The following BSN variants were observed in gnomAD, a reference collection of about 807,000 sequenced individuals.
BSN encodes the protein bassoon presynaptic cytomatrix protein, also known as protein bassoon.
In BSN, 57 loss-of-function variants were observed where a neutral mutation model predicts 264.8. The ratio of observed to expected loss-of-function variants is 0.22; its 90% CI spans 0.17 to 0.27. The LOEUF (loss-of-function observed/expected upper bound fraction) is 0.27, where lower values mean the gene tolerates loss of function less well. Among genes scored for constraint, BSN ranks in the 10% least tolerant of loss-of-function variants. The pLI is 1.00. For missense variants in BSN, 4,615 were observed against 5,232.5 expected, an observed-to-expected ratio of 0.88 and a Z score of 3.64; for synonymous variants, 2,059 against 2,137.3, an observed-to-expected ratio of 0.96 and a Z score of 1.01.
chr3:49,580,070 A>T (rs1053135415), intron 1 of BSN, among the ~76,000 whole-genome samples: 5 of 152,008 alleles, frequency 3.3e-5, no homozygotes, highest in Non-Finnish European at 1.5e-5. Context: ...TGTGATGTTT[A>T]TGTCTGTTTT....
intron 1 of BSN, among the ~76,000 whole-genome samples, chr3:49,613,298 C>CAGAGAGAGAGAGAGAGAGAGAGAGAG (rs1458190477): frequency 3.9e-5 from 1 of 25,666 alleles, no homozygotes; most frequent in African/African-American, 1.0e-4. Context: ...TATACACACA[C>CAGAGAGAGAGAGAGAGAGAGAGAGAG]AGAGCGAGAG....
intron 1 of BSN, among the ~76,000 whole-genome samples, chr3:49,587,804 A>C (rs896875555): frequency 6.6e-6 from 1 of 152,058 alleles, no homozygotes; most frequent in Non-Finnish European, 1.5e-5. Flanking sequence ...GAGAGGACCA[A>C]TCAGGGGTAC....
At position 49,652,533 on chromosome 3, in the gene BSN, G is replaced by A. The variant is rs1025306925; in HGVS notation, c.2977G>A (p.Gly993Ser). 4 of 1,613,602 alleles carry A rather than the reference G, an allele frequency of 2.5e-6. No homozygotes were observed. In the Admixed American group the frequency reaches 6.7e-5, roughly 27 times the overall value. The change falls in exon 5 of 12, where the codon GGC becomes AGC. Residue 993 changes from glycine (G) to serine (S), a missense_variant. By Grantham distance (56) the Gly-to-Ser change is moderately conservative. Transcript: ENST00000296452. ...LPASTPSYTSGTSPTSLSSLE... is the reference protein window; with the variant it reads ...LPASTPSYTSSTSPTSLSSLE... ...TGCCTCCACACCCAGCTACACCTCG[G>A]GCACCTCTCCCACCTCTCTGTCCTC... is the stretch of plus-strand genomic sequence containing the variant.
In BSN at chr3:49,661,588, C is replaced by T; in HGVS notation, c.9743C>T (p.Ala3248Val). 1 of 1,613,878 alleles carries T rather than the reference C, an allele frequency of 6.2e-7. No individual in the cohort carries two copies. Among genetic ancestry groups the T allele is most frequent in the Non-Finnish European group, 8.5e-7 (1 of 1,180,050 alleles). The change falls in exon 6 of 12, where the codon GCT (alanine) becomes GTT (valine). Residue 3248 changes from alanine to valine, a missense_variant. By Grantham distance (64) the Ala-to-Val change is moderately conservative. Coordinates refer to ENST00000296452, the MANE Select transcript of BSN (RefSeq NM_003458.4). Reference protein sequence around the residue: ...SELTKDSTSTAPDSQRLEPLG... With the variant: ...SELTKDSTSTVPDSQRLEPLG... ...CTGACCAAGGACAGCACCTCTACTG[C>T]TCCTGATAGCCAACGGCTGGAGCCC...
Position 49,585,286 on chromosome 3 carries a change from A to G in BSN, c.224+30460A>G, listed in dbSNP as rs552340571. Among the ~76,000 whole-genome samples the G allele has an allele frequency of 6.6e-6, 1 of 152,242 alleles. No homozygotes were observed. The highest frequency in any genetic ancestry group is 2.1e-4 in the South Asian group (1 of 4,828). On this transcript the variant is annotated intron_variant, in intron 1 of 11. Coordinates refer to ENST00000296452, the MANE Select transcript of BSN (RefSeq NM_003458.4). This position sits in a 1 kb window ranked among gnomAD's most constrained non-coding sequence, Gnocchi z 4.7. ...AAGAGGAGATCGTGGGTGGGGAAAC[A>G]GACTGAGGGAATCAGAAGCACCACT...
chr3:49,583,108 A>G (rs2051907664), intron 1 of BSN, among the ~76,000 whole-genome samples: 1 of 151,978 alleles, frequency 6.6e-6, no homozygotes, highest in South Asian at 2.1e-4. Flanking sequence ...AGCTGGGATT[A>G]CAGGTGCGTG....
At chr3:49,650,096 A>G (rs539526640) in intron 3 of BSN, among the ~76,000 whole-genome samples, 4 of 152,290 alleles carry the variant, frequency 2.6e-5, no homozygotes, top group African/African-American at 9.6e-5. Flanking sequence ...CCTATCTAGC[A>G]TAGCCCTTAC....
In BSN at chr3:49,657,243, C is replaced by T. The variant is rs756867032; in HGVS notation, c.7687C>T (p.Arg2563Trp). The T allele has an allele frequency of 9.9e-6, 16 of 1,613,374 alleles. No homozygotes were observed. The highest frequency in any genetic ancestry group is 4.0e-5 in the African/African-American group (3 of 74,954). The change falls in exon 5 of 12, where the codon CGG becomes TGG. Residue 2563 changes from arginine (R) to tryptophan (W), a missense_variant. Arg to Trp is a moderately radical substitution (Grantham distance 101). This residue lies in a region of BSN where 3,415 missense variants were observed against 3,866.4 expected (regional missense o/e 0.88). Coordinates refer to ENST00000296452, the MANE Select transcript of BSN (RefSeq NM_003458.4). ...IKKRHSMPRL[R>W]DACELESGTE... ...GAAGCGGCACTCCATGCCACGCCTG[C>T]GGGATGCCTGTGAGCTAGAGTCTGG...
In BSN at chr3:49,655,985, C is replaced by G. The variant is rs1336187132; in HGVS notation, c.6429C>G (p.Pro2143=). The G allele has an allele frequency of 1.2e-6, 2 of 1,607,512 alleles. No homozygotes were observed. The highest frequency in any genetic ancestry group is 1.7e-6 in the Non-Finnish European group (2 of 1,177,898). The change falls in exon 5 of 12, where the codon CCC becomes CCG. Residue 2143 remains proline (P), a synonymous_variant. Transcript: ENST00000296452. ...PGLSAPQSLV[P]LRPGLLGNPT... ...TCAGTGCTCCACAGAGTCTGGTTCCCCTCAGACCTGGACTCCTTGGTAACC... is the reference window on the plus strand; with the variant it reads ...TCAGTGCTCCACAGAGTCTGGTTCCGCTCAGACCTGGACTCCTTGGTAACC...
chr3:49,562,693 A>G (rs890897180), intron 1 of BSN, among the ~76,000 whole-genome samples: 3 of 152,180 alleles, frequency 2.0e-5, no homozygotes, highest in Non-Finnish European at 4.4e-5. Flanking sequence ...GCTGTGGAGA[A>G]CTGTGTCACT....
intron 1 of BSN, among the ~76,000 whole-genome samples, chr3:49,591,489 T>C (rs1306388015): frequency 6.6e-6 from 1 of 152,258 alleles, no homozygotes; most frequent in Non-Finnish European, 1.5e-5. Context: ...TTGTTATTTC[T>C]TGTAAGGCAA....
chr3:49,651,579 C>T lies in BSN; in HGVS notation c.2023C>T (p.Arg675Trp), dbSNP rs139557802. The stretch of plus-strand genomic sequence containing the variant: ...CAAGCCTTACTCTCAGGATGCGTCT[C>T]GGAGCCCACAGAGCCTCAGTGACAC... ...VGKPYSQDAS[R>W]SPQSLSDTGY... is the part of the protein sequence containing the mutation. The change falls in exon 5 of 12, where the codon CGG becomes TGG. Residue 675 changes from arginine (R) to tryptophan (W), a missense_variant. Transcript: ENST00000296452. This position sits in a 1 kb window ranked among gnomAD's most constrained non-coding sequence, Gnocchi z 5.4. The T allele has an allele frequency of 3.9e-5, 63 of 1,603,194 alleles. No homozygotes were observed. The highest frequency in any genetic ancestry group is 2.2e-5 in the South Asian group (2 of 89,294).
rs1283000189 is a variant in BSN, at chr3:49,652,503, T to C, written c.2947T>C (p.Leu983=). The change falls in exon 5 of 12, where the codon TTG becomes CTG. Residue 983 remains leucine (L), a synonymous_variant. Transcript: ENST00000296452. ...DRSRGEHSST[L]PASTPSYTSG... is the part of the protein sequence containing the mutation. ...CTCCCGTGGTGAGCACTCCTCTACA[T>C]TGCCTGCCTCCACACCCAGCTACAC... 6.2e-7 allele frequency: 1 copy of C among 1,613,672 alleles called. No homozygotes were observed. Among genetic ancestry groups the C allele is most frequent in the Non-Finnish European group, 8.5e-7 (1 of 1,179,980 alleles).
Position 49,634,848 on chromosome 3 carries a change from A to G in BSN, c.634-7420A>G, listed in dbSNP as rs542795458. Among the ~76,000 whole-genome samples the G allele has an allele frequency of 1.1e-4, 17 of 152,340 alleles. No individual in the cohort carries two copies. In the South Asian group the frequency reaches 3.5e-3, roughly 32 times the overall value. On this transcript the variant is annotated intron_variant, in intron 2 of 11. Coordinates refer to ENST00000296452, the MANE Select transcript of BSN (RefSeq NM_003458.4). ...ACACTATATATGTGTGTGCATATAT[A>G]TACATATACACTAAAACAACACATA...
chr3:49,657,848 T>G lies in BSN; in HGVS notation c.8292T>G (p.Asp2764Glu). 1 of 1,611,342 alleles carries G rather than the reference T, an allele frequency of 6.2e-7. No individual in the cohort carries two copies. Among genetic ancestry groups the G allele is most frequent in the Non-Finnish European group, 8.5e-7 (1 of 1,179,172 alleles). Reference protein sequence around the residue: ...PLGRFEKKKPDPLEIGYQAHL... With the variant: ...PLGRFEKKKPEPLEIGYQAHL... ...GCAGATTTGAAAAAAAGAAGCCAGA[T>G]CCCCTGGAGATTGGGTACCAGGCCC... The change falls in exon 5 of 12, where the codon GAT becomes GAG. Residue 2764 changes from aspartate (D) to glutamate (E), a missense_variant. Transcript: ENST00000296452.
chr3:49,645,520 G>T (rs2052498535), intron 3 of BSN, among the ~76,000 whole-genome samples: 1 of 152,170 alleles, frequency 6.6e-6, no homozygotes, highest in Non-Finnish European at 1.5e-5. Context: ...TCCCACCCAT[G>T]CTCACAGCCT....
chr3:49,663,010 C>A lies in BSN; in HGVS notation c.10852C>A (p.His3618Asn). Residue 3618 changes from histidine to asparagine, a missense_variant, in exon 7 of 12, where the codon CAT becomes AAT. Transcript: ENST00000296452. ...QKRGPARHSY[H>N]DYDEPPEEGL... ...GCGAGGCCCTGCCAGGCACAGCTAC[C>A]ATGACTACGATGAACCCCCTGAGGA... 1 of 1,614,054 alleles carries A rather than the reference C, an allele frequency of 6.2e-7. No individual in the cohort carries two copies.
chr3:49,652,785 G>C lies in BSN; in HGVS notation c.3229G>C (p.Asp1077His), dbSNP rs774168450. The C allele has an allele frequency of 6.4e-7, 1 of 1,551,408 alleles. No individual in the cohort carries two copies. Residue 1077 changes from aspartate to histidine, a missense_variant, in exon 5 of 12, where the codon GAC (aspartate) becomes CAC (histidine). By Grantham distance (81) the Asp-to-His change is moderately conservative. Around this residue, in one of 3 missense-constraint regions of BSN, gnomAD observed 3,415 missense variants for 3,866.4 expected, o/e 0.88. Coordinates refer to ENST00000296452, the MANE Select transcript of BSN (RefSeq NM_003458.4). ...CAGCACGGCCCGCAAGACCCGGCGGGACAAGGAAGAACTGCGGGCCCAGCG... is the reference window on the plus strand; with the variant it reads ...CAGCACGGCCCGCAAGACCCGGCGGCACAAGGAAGAACTGCGGGCCCAGCG... Reference protein sequence around the residue: ...IRSTARKTRRDKEELRAQRRR... With the variant: ...IRSTARKTRRHKEELRAQRRR...
chr3:49,630,250 G>T (rs2052375059), intron 2 of BSN, among the ~76,000 whole-genome samples: 1 of 152,202 alleles, frequency 6.6e-6, no homozygotes, highest in Non-Finnish European at 1.5e-5. Flanking sequence ...GGAGGTAAAG[G>T]TGTCTTCTGC....
Sources: gnomAD v4.1 joint callset for allele counts (sites outside exome capture counted in the v4.1 genomes callset) on GRCh38, gnomAD v4.1.1 for gene constraint, gnomAD v4.1.1 regional missense constraint, Gnocchi (gnomAD v3.1) non-coding constraint, MANE v1.5 for transcripts, NCBI Gene and HGNC (gene_info 2026-07-23, HGNC 2026-07-21) for gene names.